The following AGBL4 variants were observed in gnomAD, a reference collection of about 807,000 sequenced individuals.
AGBL4 encodes cytosolic carboxypeptidase 6.
AGBL4 carries 58 observed loss-of-function variants against 66.4 expected under a neutral mutation model. That is an observed-to-expected ratio of 0.87 (90% confidence interval 0.71 to 1.09). The LOEUF is 1.09. Ranked by LOEUF, AGBL4 falls within the 50% of genes least tolerant of loss-of-function variation. The pLI is 0.00. For missense variants in AGBL4, 579 were observed against 631.0 expected (o/e 0.92, Z 0.88); for synonymous variants, 234 against 222.9 (o/e 1.05, Z -0.44).
At chr1:48,609,163 G>A (rs1246734233) in intron 9 of AGBL4, among the ~76,000 whole-genome samples, 1 of 152,130 alleles carries the variant, frequency 6.6e-6, no homozygotes, top group Non-Finnish European at 1.5e-5. Context: ...GATACATGCT[G>A]AGAGAGCCTC....
chr1:49,703,394 G>C (rs546162847), intron 2 of AGBL4, among the ~76,000 whole-genome samples: 1 of 151,488 alleles, frequency 6.6e-6, no homozygotes, highest in African/African-American at 2.4e-5. Context: ...ATCCAAGAAG[G>C]CAAGTTTCTT....
chr1:48,594,128 C>A (rs1644959933), intron 9 of AGBL4, among the ~76,000 whole-genome samples: 1 of 152,116 alleles, frequency 6.6e-6, no homozygotes, highest in Admixed American at 6.5e-5. Flanking sequence ...GAGTTCAAGA[C>A]CAGCCTAGCC....
chr1:49,486,718 C>T (rs563448300), intron 3 of AGBL4, among the ~76,000 whole-genome samples: 3 of 152,046 alleles, frequency 2.0e-5, no homozygotes, highest in Admixed American at 6.6e-5. Context: ...AAAACGTCGG[C>T]GTAAGTAATC....
chr1:48,953,429 T>C (rs1258836139), intron 5 of AGBL4, among the ~76,000 whole-genome samples: 2 of 152,192 alleles, frequency 1.3e-5, no homozygotes, highest in African/African-American at 2.4e-5. Flanking sequence ...TGCCTCAGAA[T>C]TGATTGCTTG....
chr1:49,931,416 C>G (rs1653343857), intron 1 of AGBL4, among the ~76,000 whole-genome samples: 1 of 152,060 alleles, frequency 6.6e-6, no homozygotes, highest in African/African-American at 2.4e-5. Flanking sequence ...TGGGAGGCCT[C>G]AGGAAACTTA....
At chr1:49,558,424 C>A (rs1170102199) in intron 3 of AGBL4, among the ~76,000 whole-genome samples, 1 of 152,114 alleles carries the variant, frequency 6.6e-6, no homozygotes, top group Non-Finnish European at 1.5e-5. Flanking sequence ...CTCACTGCAA[C>A]TTCTGCCTGC....
At chr1:48,778,976 A>G (rs537954861) in intron 6 of AGBL4, among the ~76,000 whole-genome samples, 67 of 152,162 alleles carry the variant, frequency 4.4e-4, no homozygotes, top group African/African-American at 1.6e-3. Context: ...AAGCTTGTGG[A>G]AAAAAAAGGA....
intron 1 of AGBL4, among the ~76,000 whole-genome samples, chr1:49,941,878 A>C (rs1654792543): frequency 6.6e-6 from 1 of 152,124 alleles, no homozygotes; most frequent in East Asian, 1.9e-4. Context: ...TGACAGTACA[A>C]GCCAGAGTAA....
chr1:49,796,906 AAC>A (rs1286325266), intron 2 of AGBL4, among the ~76,000 whole-genome samples: 2 of 152,090 alleles, frequency 1.3e-5, no homozygotes, highest in Non-Finnish European at 2.9e-5. Flanking sequence ...ACAACTATAC[AAC>A]AGTTTTCCTA....
chr1:48,893,544 G>A (rs1011737565), intron 5 of AGBL4, among the ~76,000 whole-genome samples: 1 of 151,910 alleles, frequency 6.6e-6, no homozygotes, highest in Non-Finnish European at 1.5e-5. Flanking sequence ...AATTAGCTGG[G>A]CATGGTGGTG....
intron 1 of AGBL4, among the ~76,000 whole-genome samples, chr1:49,891,245 C>A (rs1294479214): frequency 6.6e-6 from 1 of 152,148 alleles, no homozygotes; most frequent in Non-Finnish European, 1.5e-5. Flanking sequence ...TTGTACACTT[C>A]TGATGCAAAA....
intron 3 of AGBL4, among the ~76,000 whole-genome samples, chr1:49,420,144 A>T (rs1165051656): frequency 1.3e-5 from 2 of 152,152 alleles, no homozygotes; most frequent in Non-Finnish European, 2.9e-5. Context: ...TATTTATCCA[A>T]CTTTTGGTCT....
chr1:49,925,788 G>A (rs1429549603), intron 1 of AGBL4, among the ~76,000 whole-genome samples: 1 of 152,222 alleles, frequency 6.6e-6, no homozygotes, highest in African/African-American at 2.4e-5. Flanking sequence ...AGATTCCTCT[G>A]CCTGGGGAGT....
chr1:49,095,194 C>G (rs1571432480), intron 4 of AGBL4, among the ~76,000 whole-genome samples: 4 of 152,240 alleles, frequency 2.6e-5, no homozygotes, highest in South Asian at 2.1e-4. Flanking sequence ...AGGATACAAA[C>G]AAATGGAAGA....
intron 11 of AGBL4, among the ~76,000 whole-genome samples, chr1:48,554,120 A>G (rs1331290307): frequency 6.6e-6 from 1 of 152,192 alleles, no homozygotes; most frequent in Non-Finnish European, 1.5e-5. Flanking sequence ...TCCTGGGCTC[A>G]GAACTTAAAA....
intron 1 of AGBL4, among the ~76,000 whole-genome samples, chr1:50,008,150 G>T (rs1661275139): frequency 6.6e-6 from 1 of 152,176 alleles, no homozygotes; most frequent in Non-Finnish European, 1.5e-5. Flanking sequence ...GATGCAATCT[G>T]CACTGTAGAC....
At chr1:49,981,043 T>A (rs1465861178) in intron 1 of AGBL4, among the ~76,000 whole-genome samples, 1 of 152,166 alleles carries the variant, frequency 6.6e-6, no homozygotes, top group East Asian at 1.9e-4. Context: ...AACTATTTAA[T>A]TACTAATATG....
At chr1:48,849,631 A>G (rs997657186) in intron 6 of AGBL4, among the ~76,000 whole-genome samples, 3 of 152,178 alleles carry the variant, frequency 2.0e-5, no homozygotes, top group African/African-American at 7.2e-5. Flanking sequence ...TAGGATGACA[A>G]TCATACTAGT....
intron 1 of AGBL4, among the ~76,000 whole-genome samples, chr1:49,888,132 A>C (rs1460606031): frequency 6.6e-6 from 1 of 152,184 alleles, no homozygotes; most frequent in East Asian, 1.9e-4. Flanking sequence ...TAACAAAGAT[A>C]AACATAGATC....
Sources: allele counts gnomAD v4.1 joint callset (sites outside exome capture counted in the v4.1 genomes callset), GRCh38; gene constraint gnomAD v4.1.1; transcripts MANE v1.5; gene names NCBI Gene and HGNC (gene_info 2026-07-23, HGNC 2026-07-21).